GCC2: variants seen among roughly 807,000 people sequenced by gnomAD.
GCC2 encodes GRIP and coiled-coil domain containing 2.
A neutral mutation model predicts 210.6 loss-of-function variants in GCC2; 120 were observed. That is an observed-to-expected ratio of 0.57 (90% confidence interval 0.49 to 0.66). The LOEUF is 0.66. GCC2 is among the 30% of genes least tolerant of loss of function. GCC2 has a pLI of 0.00. For synonymous variants in GCC2, 703 were observed against 652.7 expected, an observed-to-expected ratio of 1.08 and a Z score of -1.17; for missense variants, 1,868 against 1,871.9, an observed-to-expected ratio of 1.00 and a Z score of 0.04.
At chr2:108,495,761 C>T (rs1682621651) in intron 20 of GCC2, 1 of 225,536 alleles carries the variant, frequency 4.4e-6, no homozygotes, top group Admixed American at 5.4e-5. Context: ...GTCCAAGTTC[C>T]AAAACTGAAG....
chr2:108,481,637 G>GA lies in GCC2; in HGVS notation c.3061-58dup, dbSNP rs1224065202. ...ATGAATCTTAAGGTGGCTTGATGATGAAGTCTGACCTGTTGAATGCAAAAT... is the reference window on the plus strand; with the variant it reads ...ATGAATCTTAAGGTGGCTTGATGATGAAAGTCTGACCTGTTGAATGCAAAAT... On this transcript the variant is annotated intron_variant, in intron 9 of 22. Coordinates refer to ENST00000309863, the MANE Select transcript of GCC2 (RefSeq NM_181453.4). 5 of 1,300,082 alleles carry GA rather than the reference G, an allele frequency of 3.8e-6. No homozygotes were observed. In the Admixed American group the frequency reaches 1.2e-4, roughly 31 times the overall value. 80.5% of individuals were successfully genotyped at this position (1,300,082 alleles called of 1,614,324 possible).
At chr2:108,468,390 CTG>C (rs1681014329) in intron 4 of GCC2, among the ~76,000 whole-genome samples, 1 of 152,114 alleles carries the variant, frequency 6.6e-6, no homozygotes, top group South Asian at 2.1e-4. Context: ...TCCTTTTACA[CTG>C]TATTATTTTT....
In GCC2 at chr2:108,485,692, T is replaced by C; in HGVS notation, c.3670T>C (p.Leu1224=). 1 of 1,599,280 alleles carries C rather than the reference T, an allele frequency of 6.3e-7. No homozygotes were observed. Among genetic ancestry groups the C allele is most frequent in the Non-Finnish European group, 8.5e-7 (1 of 1,174,198 alleles). ...AGAAAAAAACACCAAAATCAAGCAATTGCTTGTGAAAACCAAAAAGGAACT... is the reference window on the plus strand; with the variant it reads ...AGAAAAAAACACCAAAATCAAGCAACTGCTTGTGAAAACCAAAAAGGAACT... The part of the protein sequence containing the change: ...YEEKNTKIKQ[L]LVKTKKELAD... The change falls in exon 14 of 23, where the codon TTG becomes CTG. Residue 1224 remains leucine, a synonymous_variant. Transcript: ENST00000309863.
At position 108,475,830 on chromosome 2, in the gene GCC2, C is replaced by G. The variant is rs1333097633; in HGVS notation, c.3040C>G (p.Gln1014Glu). The change falls in exon 9 of 23, where the codon CAA becomes GAA. Residue 1014 changes from glutamine (Q) to glutamate (E), a missense_variant. Physicochemically the swap from Gln to Glu is conservative, Grantham distance 29 (BLOSUM62 2). Around this residue, in one of 3 missense-constraint regions of GCC2, gnomAD observed 1,847 missense variants for 1,765.2 expected, o/e 1.05. Transcript: ENST00000309863. ...ATCTGCTTCCATGAGAGATCTCATT[C>G]AAGGAGCAGAAAGCTATAAGGTAAA... ...QLSASMRDLI[Q>E]GAESYKNLLL... 1.3e-6 allele frequency: 2 copies of G among 1,577,856 alleles called. No homozygotes were observed. The highest frequency in any genetic ancestry group is 1.7e-6 in the Non-Finnish European group (2 of 1,158,244).
intron 9 of GCC2, among the ~76,000 whole-genome samples, chr2:108,477,153 T>A (rs1681582228): frequency 6.6e-6 from 1 of 151,608 alleles, no homozygotes; most frequent in Non-Finnish European, 1.5e-5. Context: ...AGTAGCTAAA[T>A]TTTTTTTTAA....
intron 22 of GCC2, among the ~76,000 whole-genome samples, chr2:108,505,972 G>A (rs923254775): frequency 5.3e-5 from 8 of 152,000 alleles, no homozygotes; most frequent in Non-Finnish European, 7.4e-5. Context: ...ACATATATAC[G>A]TATGAAAACA....
At chr2:108,507,530 T>G (rs1573251676) in intron 22 of GCC2, 30 bp from the exon 23 acceptor site, 1 of 1,455,602 alleles carries the variant, frequency 6.9e-7, no homozygotes. Flanking sequence ...TCTTTTATTT[T>G]TCTTTTTTTT....
chr2:108,479,247 T>C (rs1173133637), intron 9 of GCC2, among the ~76,000 whole-genome samples: 2 of 152,084 alleles, frequency 1.3e-5, no homozygotes. Context: ...GACTATAAAA[T>C]CAAAATTCAG....
At chr2:108,465,291 C>T (rs1680822284) in intron 4 of GCC2, among the ~76,000 whole-genome samples, 1 of 152,220 alleles carries the variant, frequency 6.6e-6, no homozygotes, top group South Asian at 2.1e-4. Flanking sequence ...TAAGAGATGC[C>T]TCTAATCAGC....
intron 9 of GCC2, among the ~76,000 whole-genome samples, chr2:108,479,722 G>A (rs985506923): frequency 6.6e-6 from 1 of 151,906 alleles, no homozygotes; most frequent in Non-Finnish European, 1.5e-5. Context: ...AGTGGCTCAT[G>A]CCTGTAATTC....
At chr2:108,490,116 A>T in intron 18 of GCC2, 102 bp downstream of exon 18, 1 of 832,510 alleles carries the variant, frequency 1.2e-6, no homozygotes, top group Non-Finnish European at 1.7e-6. Flanking sequence ...ATTAGAAAAT[A>T]AAAAATAGAC....
rs770509637 is a variant in GCC2, at chr2:108,481,835, C to A, written c.3180+19C>A. The A allele has an allele frequency of 2.6e-6, 4 of 1,515,544 alleles. No homozygotes were observed. The highest frequency in any genetic ancestry group is 1.9e-4 in the Middle Eastern group (1 of 5,306). 93.9% of individuals were successfully genotyped at this position (1,515,544 alleles called of 1,614,324 possible). On this transcript the variant is annotated intron_variant, in intron 10 of 22. Coordinates refer to ENST00000309863, the MANE Select transcript of GCC2 (RefSeq NM_181453.4). Reference sequence around the variant, plus strand: ...TTTGCAGGTAATTTTTTAATAAATCCAAAAATGAAAACTATAACAGGTATA... The same window carrying A: ...TTTGCAGGTAATTTTTTAATAAATCAAAAAATGAAAACTATAACAGGTATA...
At chr2:108,491,599 A>G (rs976002807) in intron 18 of GCC2, among the ~76,000 whole-genome samples, 2 of 152,042 alleles carry the variant, frequency 1.3e-5, no homozygotes, top group Admixed American at 6.6e-5. Context: ...TATCTTGGAA[A>G]AGTACAGACT....
intron 9 of GCC2, among the ~76,000 whole-genome samples, chr2:108,476,638 G>A: frequency 6.6e-6 from 1 of 152,094 alleles, no homozygotes; most frequent in East Asian, 1.9e-4. Flanking sequence ...AAAAAGATAA[G>A]AATTAAAAAT....
chr2:108,452,767 C>T (rs1409109555), intron 4 of GCC2, among the ~76,000 whole-genome samples: 1 of 139,240 alleles, frequency 7.2e-6, no homozygotes, highest in Non-Finnish European at 1.5e-5. Flanking sequence ...GATCTTGGCT[C>T]ACTGTAACCT....
In GCC2 at chr2:108,469,934, A is replaced by C. The variant is rs1246568389; in HGVS notation, c.605A>C (p.Gln202Pro). 1.2e-6 allele frequency: 2 copies of C among 1,613,614 alleles called. No individual in the cohort carries two copies. Among genetic ancestry groups the C allele is most frequent in the Admixed American group, 3.3e-5 (2 of 60,002 alleles). ...TTTGAGGAGCAAATTTTATATCTGCAAAAGCAATTAGACGCTACCACTGAT... is the reference window on the plus strand; with the variant it reads ...TTTGAGGAGCAAATTTTATATCTGCCAAAGCAATTAGACGCTACCACTGAT... ...PGFEEQILYL[Q>P]KQLDATTDEK... Residue 202 changes from glutamine to proline, a missense_variant, in exon 6 of 23, where the codon CAA becomes CCA. This residue lies in a region of GCC2 where 1,847 missense variants were observed against 1,765.2 expected (regional missense o/e 1.05). Transcript: ENST00000309863.
In GCC2 at chr2:108,458,904, C is replaced by T. The variant is rs13407027; in HGVS notation, c.216+6438C>T. 9.3e-3 allele frequency among the ~76,000 whole-genome samples: 1,420 copies of T among 152,124 alleles called. 23 individuals carry two copies. Among genetic ancestry groups the T allele is most frequent in the Middle Eastern group, 0.031 (9 of 294 alleles). On this transcript the variant is annotated intron_variant, in intron 4 of 22. Coordinates refer to ENST00000309863, the MANE Select transcript of GCC2 (RefSeq NM_181453.4). ...TTGATCCTCTGCCTTTTTTAAAAGT[C>T]TCTATTTCATTTAGTTCTGCTTTGA...
intron 19 of GCC2, among the ~76,000 whole-genome samples, chr2:108,493,093 A>C (rs1225582907): frequency 1.3e-5 from 2 of 151,962 alleles, no homozygotes; most frequent in African/African-American, 4.8e-5. Context: ...CAGTCTCGTG[A>C]CATGTCTTTT....
intron 4 of GCC2, among the ~76,000 whole-genome samples, chr2:108,460,685 G>T (rs1014023875): frequency 2.0e-5 from 3 of 152,154 alleles, no homozygotes; most frequent in Non-Finnish European, 4.4e-5. Flanking sequence ...CTTCATTTAT[G>T]AAGGATAATT....
Sources: gnomAD v4.1 joint callset for allele counts (sites outside exome capture counted in the v4.1 genomes callset) on GRCh38, gnomAD v4.1.1 for gene constraint, gnomAD v4.1.1 regional missense constraint, MANE v1.5 for transcripts, NCBI Gene and HGNC (gene_info 2026-07-23, HGNC 2026-07-21) for gene names.